TPGS2: variants seen among roughly 807,000 people sequenced by gnomAD.
TPGS2 encodes the protein polyglutamylase subunit 2.
TPGS2 carries 26 observed loss-of-function variants against 31.1 expected under a neutral mutation model. The ratio of observed to expected loss-of-function variants is 0.84; its 90% CI spans 0.61 to 1.16. TPGS2 has a LOEUF of 1.16. Among genes scored for constraint, TPGS2 ranks in the 50% most tolerant of loss-of-function variants. The probability of loss-of-function intolerance (pLI) is 0.00; values close to 1 mark genes in which losing one functional copy is unlikely to be tolerated. For synonymous variants in TPGS2, 130 were observed against 136.6 expected (o/e 0.95, Z 0.34); for missense variants, 351 against 363.8 (o/e 0.96, Z 0.29).
chr18:36,791,534 G>A (rs1161504475), downstream of TPGS2, among the ~76,000 whole-genome samples: 1 of 152,154 alleles, frequency 6.6e-6, no homozygotes, highest in Non-Finnish European at 1.5e-5. Context: ...AGAGAGAGTG[G>A]TTCAGGAGAG....
intron 1 of TPGS2, among the ~76,000 whole-genome samples, chr18:36,822,119 T>C (rs1377349403): frequency 6.6e-6 from 1 of 152,228 alleles, no homozygotes; most frequent in East Asian, 1.9e-4. Flanking sequence ...ATTCCACAGC[T>C]ATCCTTCTAG....
intron 4 of TPGS2, among the ~76,000 whole-genome samples, chr18:36,802,128 T>C (rs2044848212): frequency 6.6e-6 from 1 of 152,218 alleles, no homozygotes; most frequent in Non-Finnish European, 1.5e-5. Context: ...AAATCACTGT[T>C]TTATATATTT....
chr18:36,828,980 C>A lies in TPGS2; in HGVS notation c.-213G>T. The A allele has an allele frequency of 9.3e-7, 1 of 1,071,390 alleles. No individual in the cohort carries two copies. Among genetic ancestry groups the A allele is most frequent in the South Asian group, 1.8e-5 (1 of 56,806 alleles). The allele number at this position is 1,071,390 out of a possible 1,614,324, so 66.4% of individuals were successfully genotyped here. ...CCGCCCGGTGCCCCACACCGCACCT[C>A]CGGGACGTAGCTTCCCCTTCGCCCC... On this transcript the variant is annotated 5_prime_UTR_variant, in exon 1 of 7. Transcript: ENST00000334295.
intron 5 of TPGS2, among the ~76,000 whole-genome samples, chr18:36,799,834 G>GT (rs2044717587): frequency 6.6e-6 from 1 of 151,998 alleles, no homozygotes; most frequent in Non-Finnish European, 1.5e-5. Flanking sequence ...TTTTATTGCT[G>GT]TTAATTGGCC....
At chr18:36,798,101 C>G in intron 6 of TPGS2, 4 of 1,065,526 alleles carry the variant, frequency 3.8e-6, no homozygotes, top group Non-Finnish European at 4.6e-6. Context: ...TGGGGATGCA[C>G]ACTTGGAGAA....
intron 3 of TPGS2, chr18:36,807,594 C>A (rs1332256064): frequency 2.6e-5 from 14 of 529,826 alleles, no homozygotes; most frequent in Non-Finnish European, 4.0e-5. Flanking sequence ...GTTTTCTCTA[C>A]CCTATTCCTA....
chr18:36,801,957 G>A (rs1203004797), intron 4 of TPGS2, among the ~76,000 whole-genome samples: 1 of 152,136 alleles, frequency 6.6e-6, no homozygotes, highest in Non-Finnish European at 1.5e-5. Context: ...TATACCATAT[G>A]TTGTCCCTCA....
chr18:36,821,073 A>G (rs577087073), intron 1 of TPGS2: 24 of 152,302 alleles, frequency 1.6e-4, no homozygotes, highest in African/African-American at 5.8e-4. Flanking sequence ...TCTCATTGAG[A>G]GGTGAGTCTA....
chr18:36,801,274 T>C (rs2044799585), intron 4 of TPGS2, among the ~76,000 whole-genome samples: 1 of 152,238 alleles, frequency 6.6e-6, no homozygotes, highest in Non-Finnish European at 1.5e-5. Flanking sequence ...GGAGACAGAC[T>C]GGAAGTCCTT....
At chr18:36,807,643 T>C (rs1348506896) in intron 3 of TPGS2, 2 of 592,952 alleles carry the variant, frequency 3.4e-6, no homozygotes, top group East Asian at 5.7e-5. Context: ...TCCATACTGC[T>C]AGACTGTCGT....
chr18:36,817,120 ATG>A (rs1568026257), intron 2 of TPGS2, among the ~76,000 whole-genome samples: 1 of 152,202 alleles, frequency 6.6e-6, no homozygotes, highest in Non-Finnish European at 1.5e-5. Flanking sequence ...TTCTTTTCCT[ATG>A]ATGGGCTATG....
chr18:36,828,973 C>T lies in TPGS2; in HGVS notation c.-206G>A. The stretch of plus-strand genomic sequence containing the variant: ...CGCGGCCCCGCCCGGTGCCCCACAC[C>T]GCACCTCCGGGACGTAGCTTCCCCT... On this transcript the variant is annotated 5_prime_UTR_variant, in exon 1 of 7. Coordinates refer to ENST00000334295, the MANE Select transcript of TPGS2 (RefSeq NM_015476.4). 1 of 1,039,788 alleles carries T rather than the reference C, an allele frequency of 9.6e-7. No homozygotes were observed. Among genetic ancestry groups the T allele is most frequent in the Non-Finnish European group, 1.3e-6 (1 of 753,642 alleles). 64.4% of individuals were successfully genotyped at this position (1,039,788 alleles called of 1,614,324 possible).
intron 5 of TPGS2, among the ~76,000 whole-genome samples, chr18:36,798,944 C>A (rs981590106): frequency 4.6e-5 from 7 of 152,138 alleles, no homozygotes; most frequent in Non-Finnish European, 8.8e-5. Context: ...GGTAGGGGGG[C>A]GGAATACTGT....
chr18:36,781,743 A>C, downstream of TPGS2: 1 of 984,724 alleles, frequency 1.0e-6, no homozygotes, highest in Non-Finnish European at 1.2e-6. Context: ...CAAAGACTAT[A>C]TTTTCCCCAT....
Position 36,796,178 on chromosome 18 carries a change from T to C in TPGS2, c.*627A>G. On this transcript the variant is annotated 3_prime_UTR_variant, in exon 7 of 7. Transcript: ENST00000334295. Reference sequence around the variant, plus strand: ...ACAATTGTGTACTTGAGAGGTTTCATGGAACATTATGACCCATCCAATGAA... The same window carrying C: ...ACAATTGTGTACTTGAGAGGTTTCACGGAACATTATGACCCATCCAATGAA... 2.0e-6 allele frequency: 2 copies of C among 985,414 alleles called. No individual in the cohort carries two copies. The highest frequency in any genetic ancestry group is 2.4e-6 in the Non-Finnish European group (2 of 829,936). 61.0% of individuals were successfully genotyped at this position (985,414 alleles called of 1,614,324 possible). A position where few individuals can be genotyped will look rare whatever the true frequency, so the allele number is the denominator to read the frequency against.
intron 1 of TPGS2, among the ~76,000 whole-genome samples, chr18:36,823,241 T>C (rs2045970876): frequency 6.6e-6 from 1 of 152,128 alleles, no homozygotes; most frequent in Admixed American, 6.5e-5. Context: ...GAGCTTGGGG[T>C]CATCTTGGAA....
intron 1 of TPGS2, among the ~76,000 whole-genome samples, chr18:36,821,555 T>C (rs940344044): frequency 1.3e-5 from 2 of 152,238 alleles, no homozygotes; most frequent in Non-Finnish European, 2.9e-5. Context: ...CTTTGGGAAA[T>C]TAATGCTAGA....
rs919277214 is a variant in TPGS2 at position 36,823,460 on chromosome 18, G to GTTTTTTTTTTT, written c.86-4498_86-4488dup. Among the ~76,000 whole-genome samples the GTTTTTTTTTTT allele has an allele frequency of 8.6e-4, 93 of 108,084 alleles. 2 individuals carry two copies. Among genetic ancestry groups the GTTTTTTTTTTT allele is most frequent in the African/African-American group, 2.5e-3 (66 of 26,124 alleles). The allele number at this position is 108,084 out of a possible 152,430, so 70.9% of individuals were successfully genotyped here. On this transcript the variant is annotated intron_variant, in intron 1 of 6. Coordinates refer to ENST00000334295, the MANE Select transcript of TPGS2 (RefSeq NM_015476.4). ...TCTCTGACTTCCTTGTTAACAGCTTGTTTTTTTTTTTTTTTTTTGAGACGG... is the reference window on the plus strand; with the variant it reads ...TCTCTGACTTCCTTGTTAACAGCTTGTTTTTTTTTTTTTTTTTTTTTTTTTTTTTGAGACGG...
Position 36,794,700 on chromosome 18 carries a change from G to A in TPGS2, c.*2105C>T, listed in dbSNP as rs918988441. 1 of 985,108 alleles carries A rather than the reference G, an allele frequency of 1.0e-6. No individual in the cohort carries two copies. Among genetic ancestry groups the A allele is most frequent in the East Asian group, 1.1e-4 (1 of 8,816 alleles). 61.0% of individuals were successfully genotyped at this position (985,108 alleles called of 1,614,324 possible). ...CTCCAGCTATTGTCCTCAACAACTT[G>A]GTCTCTCTATATCCTTTTCTGCCAC... On this transcript the variant is annotated 3_prime_UTR_variant, in exon 7 of 7. Coordinates refer to ENST00000334295, the MANE Select transcript of TPGS2 (RefSeq NM_015476.4).
Sources: gnomAD v4.1 joint callset for allele counts (sites outside exome capture counted in the v4.1 genomes callset) on GRCh38, gnomAD v4.1.1 for gene constraint, MANE v1.5 for transcripts, NCBI Gene and HGNC (gene_info 2026-07-23, HGNC 2026-07-21) for gene names.